The following NOX3 variants were observed in gnomAD, a reference collection of about 807,000 sequenced individuals.
NOX3 encodes NADPH oxidase catalytic subunit-like 3.
In NOX3, 74 loss-of-function variants were observed where a neutral mutation model predicts 76.7. That is an observed-to-expected ratio of 0.96 (90% CI 0.80 to 1.17). NOX3 has a LOEUF of 1.17. Among genes scored for constraint, NOX3 ranks in the 50% most tolerant of loss-of-function variants. The pLI, the probability that NOX3 is intolerant of heterozygous loss-of-function variation, is 0.00. For missense variants in NOX3, 695 were observed against 703.3 expected (o/e 0.99, Z 0.13); for synonymous variants, 263 against 261.1 (o/e 1.01, Z -0.07).
chr6:155,437,887 G>T (rs1364028175), intron 6 of NOX3, among the ~76,000 whole-genome samples: 1 of 152,206 alleles, frequency 6.6e-6, no homozygotes, highest in African/African-American at 2.4e-5. Context: ...TTTGCAAATT[G>T]CTTTCGCTGT....
Position 155,407,193 on chromosome 6 carries a change from T to C in NOX3, c.1517A>G (p.Lys506Arg). ...NTDVITGLKQ[K>R]TFYGRPNWNN... ...CCAGTTGGGCCTCCCATAGAAGGTC[T>C]TCTGCTTTAAGCCTGTAATCACGTC... Residue 506 changes from lysine to arginine, a missense_variant, in exon 12 of 14, where the codon AAG becomes AGG. By Grantham distance (26) the Lys-to-Arg change is conservative. Coordinates refer to ENST00000159060, the MANE Select transcript of NOX3 (RefSeq NM_015718.3). 6.2e-7 allele frequency: 1 copy of C among 1,614,134 alleles called. No homozygotes were observed.
Position 155,430,722 on chromosome 6 carries a change from G to T in NOX3, c.891+121C>A. On this transcript the variant is annotated intron_variant, in intron 8 of 13. Transcript: ENST00000159060. ...CAGGATACAAGCAATTATTAGAACA[G>T]AAGATGAGCCTCTAAATTACAGACA... The T allele has an allele frequency of 6.3e-6, 4 of 637,268 alleles. No individual in the cohort carries two copies. In the South Asian group the frequency reaches 7.9e-5, roughly 13 times the overall value. 39.5% of individuals were successfully genotyped at this position (637,268 alleles called of 1,614,324 possible). A position where few individuals can be genotyped will look rare whatever the true frequency, so the allele number is the denominator to read the frequency against.
chr6:155,406,279 G>GTAAAAAAAAAAAAAAAAAAAAAAAAAAAA (rs1161857756), intron 12 of NOX3, among the ~76,000 whole-genome samples: 1 of 152,182 alleles, frequency 6.6e-6, no homozygotes, highest in Admixed American at 6.5e-5. Flanking sequence ...ACAACACTGT[G>GTAAAAAAAAAAAAAAAAAAAAAAAAAAAA]AATGGATATT....
rs1169626192 is a variant in NOX3 at position 155,395,450 on chromosome 6, T to C, written c.*152A>G. On this transcript the variant is annotated 3_prime_UTR_variant, in exon 14 of 14. Coordinates refer to ENST00000159060, the MANE Select transcript of NOX3 (RefSeq NM_015718.3). The stretch of plus-strand genomic sequence containing the variant: ...ATGTTATTTATAAGCTAAGGAAGTA[T>C]GGTATAGTGTACTGTTCACAATAGT... 2 of 152,186 alleles carry C rather than the reference T, an allele frequency of 1.3e-5. No homozygotes were observed. The highest frequency in any genetic ancestry group is 2.4e-5 in the African/African-American group (1 of 41,458). 9.4% of individuals were successfully genotyped at this position (152,186 alleles called of 1,614,324 possible).
At chr6:155,427,028 T>TGTGTGTGTGTGC (rs796489805) in intron 9 of NOX3, among the ~76,000 whole-genome samples, 4 of 121,790 alleles carry the variant, frequency 3.3e-5, no homozygotes, top group African/African-American at 1.3e-4. Context: ...TGTGTGTGTG[T>TGTGTGTGTGTGC]GCTGGGGGGG....
chr6:155,401,398 T>A (rs1779224249), intron 12 of NOX3, among the ~76,000 whole-genome samples: 1 of 152,230 alleles, frequency 6.6e-6, no homozygotes, highest in South Asian at 2.1e-4. Context: ...TCTTTGAGTA[T>A]TCTGAACATT....
In NOX3 at chr6:155,426,984, C is replaced by CGTGTGCGTGTGT. The variant is rs1554263747; in HGVS notation, c.1145+1809_1145+1810insACACACGCACAC. On this transcript the variant is annotated intron_variant, in intron 9 of 13. Transcript: ENST00000159060. ...CCGAGAAAGCAGTTAGACACTGTGG[C>CGTGTGCGTGTGT]GTGTGTGTGTGTGTGTGTGTGTGTG... 6.5e-3 allele frequency among the ~76,000 whole-genome samples: 273 copies of CGTGTGCGTGTGT among 41,908 alleles called. 6 individuals are homozygous for CGTGTGCGTGTGT. The highest frequency in any genetic ancestry group is 8.1e-3 in the Admixed American group (25 of 3,074). 27.5% of individuals were successfully genotyped at this position (41,908 alleles called of 152,430 possible). A position where few individuals can be genotyped will look rare whatever the true frequency, so the allele number is the denominator to read the frequency against.
chr6:155,453,529 G>T, intron 3 of NOX3, 41 bp from the exon 4 acceptor site: 1 of 1,443,858 alleles, frequency 6.9e-7, no homozygotes, highest in Non-Finnish European at 9.8e-7. Context: ...TGGAAAAATT[G>T]CAGTGAAAAC....
chr6:155,422,756 C>T lies in NOX3; in HGVS notation c.1246G>A (p.Ala416Thr), dbSNP rs1717202142. The part of the protein sequence containing the change: ...AAGIGVTPFA[A>T]LLKSIWYKCS... ...TTGTACCATATAGATTTCAGAAGAG[C>T]AGCGAAGGGAGTGACTCCGATCCCC... Residue 416 changes from alanine (A) to threonine (T), a missense_variant, in exon 10 of 14, where the codon GCT becomes ACT. By Grantham distance (58) the Ala-to-Thr change is moderately conservative. Transcript: ENST00000159060. The T allele has an allele frequency of 6.2e-7, 1 of 1,614,176 alleles. No individual in the cohort carries two copies. The highest frequency in any genetic ancestry group is 1.1e-5 in the South Asian group (1 of 91,090).
intron 4 of NOX3, among the ~76,000 whole-genome samples, chr6:155,452,529 C>T (rs1250952203): frequency 1.3e-5 from 2 of 152,194 alleles, no homozygotes. Context: ...ATCTTCCCCT[C>T]ATGTCTCACT....
chr6:155,448,887 G>A (rs951183414), intron 4 of NOX3, among the ~76,000 whole-genome samples: 3 of 152,102 alleles, frequency 2.0e-5, no homozygotes, highest in Non-Finnish European at 4.4e-5. Flanking sequence ...GACAGATTCT[G>A]GCTCTGCTTC....
intron 4 of NOX3, among the ~76,000 whole-genome samples, chr6:155,451,719 G>A (rs984629159): frequency 2.0e-5 from 3 of 151,710 alleles, no homozygotes; most frequent in African/African-American, 7.3e-5. Context: ...TCGCCTCCTG[G>A]GCTCAAGCTA....
chr6:155,412,691 A>C (rs113948630), intron 10 of NOX3, among the ~76,000 whole-genome samples: 16 of 152,158 alleles, frequency 1.1e-4, no homozygotes, highest in Admixed American at 5.9e-4. Context: ...CTCCAGGCAG[A>C]GCTAAGCCGG....
intron 10 of NOX3, among the ~76,000 whole-genome samples, chr6:155,414,654 G>T (rs1776601789): frequency 8.1e-6 from 1 of 123,082 alleles, no homozygotes; most frequent in Non-Finnish European, 1.6e-5. Flanking sequence ...TTGAGAGGGA[G>T]TCTCTCTCTG....
At chr6:155,448,670 G>A (rs535431448) in intron 4 of NOX3, among the ~76,000 whole-genome samples, 9 of 150,708 alleles carry the variant, frequency 6.0e-5, no homozygotes, top group East Asian at 1.9e-4. Context: ...AATCATAAAG[G>A]CTACTATTAG....
intron 6 of NOX3, among the ~76,000 whole-genome samples, chr6:155,438,571 C>A (rs550121643): frequency 1.3e-5 from 2 of 152,194 alleles, no homozygotes; most frequent in African/African-American, 4.8e-5. Flanking sequence ...AACTGCCACC[C>A]CCTTCCAGAA....
chr6:155,448,997 C>T (rs1777100708), intron 4 of NOX3, among the ~76,000 whole-genome samples: 1 of 152,156 alleles, frequency 6.6e-6, no homozygotes, highest in African/African-American at 2.4e-5. Flanking sequence ...ATTTGTAAAT[C>T]ACATTAAATC....
chr6:155,441,531 A>G (rs1326311372), intron 5 of NOX3, among the ~76,000 whole-genome samples: 1 of 152,134 alleles, frequency 6.6e-6, no homozygotes, highest in African/African-American at 2.4e-5. Context: ...CTCCAAAACA[A>G]TCCCACTGCA....
intron 7 of NOX3, among the ~76,000 whole-genome samples, chr6:155,432,062 A>C (rs1424762725): frequency 6.6e-6 from 1 of 151,986 alleles, no homozygotes; most frequent in Non-Finnish European, 1.5e-5. Flanking sequence ...TTTCTTTTTA[A>C]AATTTTTATT....
Sources: gnomAD v4.1 joint callset for allele counts (sites outside exome capture counted in the v4.1 genomes callset) on GRCh38, gnomAD v4.1.1 for gene constraint, MANE v1.5 for transcripts, NCBI Gene and HGNC (gene_info 2026-07-23, HGNC 2026-07-21) for gene names.